The following CPED1 variants were observed in gnomAD, a reference collection of about 807,000 sequenced individuals.
CPED1 encodes the protein cadherin like and PC-esterase domain containing 1, also known as cadherin-like and PC-esterase domain-containing protein 1.
CPED1 carries 114 observed loss-of-function variants against 128.2 expected under a neutral mutation model. That is an observed-to-expected ratio of 0.89 (90% CI 0.76 to 1.04). The LOEUF is 1.04. CPED1 is among the 50% of genes least tolerant of loss of function. The probability of loss-of-function intolerance (pLI) is 0.00; values close to 1 mark genes in which losing one functional copy is unlikely to be tolerated. For missense variants in CPED1, 1,211 were observed against 1,207.1 expected, an observed-to-expected ratio of 1.00 and a Z score of -0.05; for synonymous variants, 462 against 426.7, an observed-to-expected ratio of 1.08 and a Z score of -1.02.
At chr7:121,184,785 T>C (rs1796968258) in intron 16 of CPED1, among the ~76,000 whole-genome samples, 1 of 152,128 alleles carries the variant, frequency 6.6e-6, no homozygotes, top group Non-Finnish European at 1.5e-5. Context: ...AATAGTAGAA[T>C]AAATAGGTTA....
Position 121,297,009 on chromosome 7 carries a change from TA to T in CPED1, c.*1358del, listed in dbSNP as rs1792835796. 1 of 152,036 alleles carries T rather than the reference TA, an allele frequency of 6.6e-6. No individual in the cohort carries two copies. The highest frequency in any genetic ancestry group is 2.4e-5 in the African/African-American group (1 of 41,446). The allele number at this position is 152,036 out of a possible 1,614,324, so 9.4% of individuals were successfully genotyped here. On this transcript the variant is annotated 3_prime_UTR_variant, in exon 23 of 23. Coordinates refer to ENST00000310396, the MANE Select transcript of CPED1 (RefSeq NM_024913.5). ...CCTTTAAATACTCTATTTTTATATA[TA>T]TTTTTATATGAAGATAAACATGAAT...
chr7:121,268,144 G>A (rs798913), intron 21 of CPED1, among the ~76,000 whole-genome samples: 15,196 of 151,982 alleles, frequency 0.1, 1,016 homozygotes, highest in African/African-American at 0.17. Context: ...AGGGTTTAAG[G>A]CTACTGGGGA....
chr7:121,123,848 C>T (rs961575445), intron 7 of CPED1, among the ~76,000 whole-genome samples: 1 of 152,050 alleles, frequency 6.6e-6, no homozygotes, highest in Non-Finnish European at 1.5e-5. Context: ...TCTAATATGC[C>T]CCCAAAATTG....
intron 18 of CPED1, among the ~76,000 whole-genome samples, chr7:121,251,983 C>CA (rs1798683278): frequency 6.6e-6 from 1 of 151,340 alleles, no homozygotes; most frequent in South Asian, 2.1e-4. Context: ...CATATGGAAC[C>CA]AAAAAAGAGC....
chr7:121,209,513 A>G (rs149366356), intron 16 of CPED1, among the ~76,000 whole-genome samples: 226 of 152,128 alleles, frequency 1.5e-3, no homozygotes, highest in African/African-American at 4.9e-3. Context: ...AACTATTTAA[A>G]AGTGTTTGCC....
At chr7:121,288,581 T>C (rs1792631185) in intron 22 of CPED1, among the ~76,000 whole-genome samples, 1 of 152,248 alleles carries the variant, frequency 6.6e-6, no homozygotes, top group African/African-American at 2.4e-5. Context: ...ACTGGAGATC[T>C]ATATTTTTGT....
chr7:121,215,587 G>C (rs1396913180), intron 16 of CPED1, among the ~76,000 whole-genome samples: 1 of 152,028 alleles, frequency 6.6e-6, no homozygotes, highest in Non-Finnish European at 1.5e-5. Context: ...GATGTAGCAA[G>C]GGTCTAGAGC....
intron 5 of CPED1, among the ~76,000 whole-genome samples, chr7:121,089,743 T>G (rs1794529010): frequency 6.6e-6 from 1 of 152,236 alleles, no homozygotes; most frequent in African/African-American, 2.4e-5. Context: ...TTATCATATT[T>G]GTTTCACTCT....
chr7:121,277,881 G>A (rs539627737), intron 22 of CPED1, among the ~76,000 whole-genome samples: 2 of 152,162 alleles, frequency 1.3e-5, no homozygotes, highest in South Asian at 2.1e-4. Flanking sequence ...AACTAATAGC[G>A]GGAAAACTCA....
At position 121,212,879 on chromosome 7, in the gene CPED1, A is replaced by G. The variant is rs552366128; in HGVS notation, c.2056-23835A>G. Among the ~76,000 whole-genome samples, 47 of 152,158 alleles carry G rather than the reference A, an allele frequency of 3.1e-4. No individual in the cohort carries two copies. In the South Asian group the frequency reaches 9.3e-3, roughly 30 times the overall value. ...GGAATTTATTTTAAATCTTTAGTTA[A>G]TAAGTGATTTCTAATGGACTGTTAT... is the stretch of plus-strand genomic sequence containing the variant. On this transcript the variant is annotated intron_variant, in intron 16 of 22. Transcript: ENST00000310396.
At chr7:121,136,747 C>T (rs1409435451) in intron 14 of CPED1, among the ~76,000 whole-genome samples, 1 of 151,916 alleles carries the variant, frequency 6.6e-6, no homozygotes, top group Non-Finnish European at 1.5e-5. Flanking sequence ...TTCAAAGCTC[C>T]TGAATTTAGG....
At chr7:121,190,391 CA>C (rs368606501) in intron 16 of CPED1, among the ~76,000 whole-genome samples, 2,049 of 97,292 alleles carry the variant, frequency 0.021, 14 homozygotes, top group Non-Finnish European at 0.022. Context: ...GACTCTGTAT[CA>C]AAAAAAAAAA....
chr7:121,134,558 A>G (rs1003767833), intron 13 of CPED1, among the ~76,000 whole-genome samples: 10 of 152,064 alleles, frequency 6.6e-5, no homozygotes, highest in African/African-American at 2.2e-4. Context: ...TAACCAATAT[A>G]TATGTTTAAA....
chr7:121,243,114 CCTTT>C (rs1460115266), intron 17 of CPED1, among the ~76,000 whole-genome samples: 2 of 152,032 alleles, frequency 1.3e-5, no homozygotes, highest in Non-Finnish European at 2.9e-5. Context: ...TAAGTTTTTT[CCTTT>C]CTAACTCAAG....
rs766441702 is a variant in CPED1, at chr7:121,244,337, A to G, written c.2309A>G (p.Lys770Arg). Residue 770 changes from lysine (K) to arginine (R), a missense_variant and splice_region_variant, in exon 18 of 23, where the codon AAG becomes AGG. Coordinates refer to ENST00000310396, the MANE Select transcript of CPED1 (RefSeq NM_024913.5). ...PQLQQCLGGR[K>R]ILFIGDSTNR... The stretch of plus-strand genomic sequence containing the variant: ...CTCCAGCAGTGCCTGGGAGGAAGGA[A>G]GGTAGGTTCTGGATCTAGTGGGGGA... 1 of 1,614,048 alleles carries G rather than the reference A, an allele frequency of 6.2e-7. No homozygotes were observed. The highest frequency in any genetic ancestry group is 8.5e-7 in the Non-Finnish European group (1 of 1,179,964).
chr7:121,015,718 C>T lies in CPED1; in HGVS notation c.303C>T (p.Leu101=). The change falls in exon 3 of 23, where the codon CTC becomes CTT. Residue 101 remains leucine, a synonymous_variant. Coordinates refer to ENST00000310396, the MANE Select transcript of CPED1 (RefSeq NM_024913.5). ...GCAGCCATGGCCGAAGGGCCATACT[C>T]TACAGGCCTCCTTTCTACAGCAAAA... ...HFGSHGRRAI[L]YRPPFYSKTE... 1.9e-6 allele frequency: 3 copies of T among 1,611,814 alleles called. No individual in the cohort carries two copies. The highest frequency in any genetic ancestry group is 1.1e-5 in the South Asian group (1 of 90,662).
chr7:121,040,902 T>C (rs1167328753), intron 3 of CPED1, among the ~76,000 whole-genome samples: 1 of 152,074 alleles, frequency 6.6e-6, no homozygotes, highest in Non-Finnish European at 1.5e-5. Flanking sequence ...GACATGTTTT[T>C]TTCCAAACTA....
intron 16 of CPED1, among the ~76,000 whole-genome samples, chr7:121,169,322 G>A (rs1796601216): frequency 6.6e-6 from 1 of 152,060 alleles, no homozygotes; most frequent in Non-Finnish European, 1.5e-5. Flanking sequence ...GGAAAATTAG[G>A]AAAAAGCAAC....
intron 5 of CPED1, among the ~76,000 whole-genome samples, chr7:121,087,049 T>A (rs1794441656): frequency 6.6e-6 from 1 of 152,210 alleles, no homozygotes. Context: ...AGCTGAGCAT[T>A]ACATTGTATT....
Sources: allele counts gnomAD v4.1 joint callset (sites outside exome capture counted in the v4.1 genomes callset), GRCh38; gene constraint gnomAD v4.1.1; transcripts MANE v1.5; gene names NCBI Gene and HGNC (gene_info 2026-07-23, HGNC 2026-07-21).